KIAA1217: variants seen among roughly 807,000 people sequenced by gnomAD.
The protein encoded by KIAA1217 is KIAA1217.
A neutral mutation model predicts 163.9 loss-of-function variants in KIAA1217; 88 were observed. That is an observed-to-expected ratio of 0.54 (90% CI 0.45 to 0.64). The LOEUF (loss-of-function observed/expected upper bound fraction) is 0.64. Among genes scored for constraint, KIAA1217 ranks in the 30% least tolerant of loss-of-function variants. The pLI, the probability that KIAA1217 is intolerant of heterozygous loss-of-function variation, is 0.00. For synonymous variants in KIAA1217, 903 were observed against 923.1 expected (o/e 0.98, Z 0.39); for missense variants, 2,372 against 2,475.0 (o/e 0.96, Z 0.88).
At chr10:24,220,446 C>CTTCTTTT (rs2069430658) in intron 2 of KIAA1217, among the ~76,000 whole-genome samples, 11 of 103,090 alleles carry the variant, frequency 1.1e-4, no homozygotes, top group South Asian at 6.1e-4. Flanking sequence ...TTCTGCTCTT[C>CTTCTTTT]TTTTTTTTTT....
chr10:24,456,339 G>A (rs1438458546), intron 5 of KIAA1217, among the ~76,000 whole-genome samples: 1 of 152,160 alleles, frequency 6.6e-6, no homozygotes, highest in Admixed American at 6.5e-5. Flanking sequence ...ATTCAAGTGA[G>A]TATTTTCCGT....
intron 2 of KIAA1217, among the ~76,000 whole-genome samples, chr10:24,286,904 C>T (rs1428358575): frequency 6.6e-6 from 1 of 152,160 alleles, no homozygotes; most frequent in Admixed American, 6.6e-5. Flanking sequence ...CTGGTCAGCG[C>T]ATTTATTTCA....
At chr10:23,936,281 A>T (rs1223446260) in intron 1 of KIAA1217, among the ~76,000 whole-genome samples, 1 of 152,014 alleles carries the variant, frequency 6.6e-6, no homozygotes, top group African/African-American at 2.4e-5. Context: ...GGACTGAGAG[A>T]ATGGTAGGGA....
intron 2 of KIAA1217, among the ~76,000 whole-genome samples, chr10:24,294,063 G>T (rs1024841229): frequency 4.0e-5 from 6 of 151,868 alleles, no homozygotes; most frequent in Non-Finnish European, 5.9e-5. Flanking sequence ...GTGGTGGCAG[G>T]CGCCTGTAGT....
intron 2 of KIAA1217, among the ~76,000 whole-genome samples, chr10:24,094,667 G>C (rs1007801435): frequency 6.6e-6 from 1 of 152,226 alleles, no homozygotes; most frequent in African/African-American, 2.4e-5. Context: ...CAGTTAGGCT[G>C]CTCGGGGGTC....
chr10:24,445,508 A>ATC (rs1419162574), intron 5 of KIAA1217, among the ~76,000 whole-genome samples: 6 of 148,426 alleles, frequency 4.0e-5, no homozygotes, highest in African/African-American at 1.2e-4. Flanking sequence ...CATTAGGTAT[A>ATC]TCCTAATGCT....
At chr10:24,410,625 G>T (rs763420548) in intron 3 of KIAA1217, among the ~76,000 whole-genome samples, 2 of 152,154 alleles carry the variant, frequency 1.3e-5, no homozygotes, top group Admixed American at 6.5e-5. Flanking sequence ...CTTTTCTAAG[G>T]CTCTATCTCT....
chr10:24,028,969 A>C (rs1848080012), intron 2 of KIAA1217, among the ~76,000 whole-genome samples: 1 of 152,186 alleles, frequency 6.6e-6, no homozygotes, highest in Admixed American at 6.5e-5. Context: ...TCAATGGGTT[A>C]GAATTAGGGG....
At chr10:24,474,915 G>T (rs934271160) in intron 6 of KIAA1217, among the ~76,000 whole-genome samples, 19 of 152,130 alleles carry the variant, frequency 1.2e-4, no homozygotes, top group Admixed American at 1.1e-3. Context: ...TGAATCAAGG[G>T]GTATGAAAAA....
At chr10:24,078,547 T>G (rs1047463620) in intron 2 of KIAA1217, among the ~76,000 whole-genome samples, 1 of 152,230 alleles carries the variant, frequency 6.6e-6, no homozygotes, top group East Asian at 1.9e-4. Context: ...GGGCAAATAC[T>G]TGGGCCCTAA....
intron 2 of KIAA1217, among the ~76,000 whole-genome samples, chr10:24,203,010 T>A (rs1401435931): frequency 6.6e-6 from 1 of 151,984 alleles, no homozygotes; most frequent in Non-Finnish European, 1.5e-5. Flanking sequence ...AGCAACATAG[T>A]GAGACCTAAT....
At chr10:23,963,524 A>G (rs533373452) in intron 1 of KIAA1217, among the ~76,000 whole-genome samples, 20 of 152,336 alleles carry the variant, frequency 1.3e-4, no homozygotes, top group Middle Eastern at 6.8e-3. Flanking sequence ...ATTAATGGAC[A>G]TGTGGGTTGG....
At chr10:23,844,212 G>T (rs539573066) in intron 1 of KIAA1217, among the ~76,000 whole-genome samples, 1 of 152,214 alleles carries the variant, frequency 6.6e-6, no homozygotes, top group Non-Finnish European at 1.5e-5. Context: ...TTGCCACTTT[G>T]TTTTTCCTAC....
At chr10:23,895,961 G>T (rs1008498189) in intron 1 of KIAA1217, among the ~76,000 whole-genome samples, 2 of 137,506 alleles carry the variant, frequency 1.5e-5, no homozygotes, top group Non-Finnish European at 3.0e-5. Flanking sequence ...ATGGACACAG[G>T]AAGGGGAGCA....
chr10:23,859,708 G>T (rs572351089), intron 1 of KIAA1217, among the ~76,000 whole-genome samples: 17 of 152,166 alleles, frequency 1.1e-4, no homozygotes, highest in Admixed American at 2.6e-4. Flanking sequence ...AAATCAATGT[G>T]TACTTTAGAA....
At chr10:24,007,754 G>A (rs1300475001) in intron 2 of KIAA1217, among the ~76,000 whole-genome samples, 4 of 152,152 alleles carry the variant, frequency 2.6e-5, no homozygotes, top group African/African-American at 4.8e-5. Flanking sequence ...TAGAGGGAAC[G>A]GTGTAGATAC....
At chr10:24,376,550 C>T (rs1463867739) in intron 2 of KIAA1217, among the ~76,000 whole-genome samples, 1 of 152,136 alleles carries the variant, frequency 6.6e-6, no homozygotes, top group African/African-American at 2.4e-5. Flanking sequence ...ATCGCTTAAG[C>T]TTAGGAGTTT....
At chr10:23,852,861 AT>A (rs1419148061) in intron 1 of KIAA1217, among the ~76,000 whole-genome samples, 1 of 152,110 alleles carries the variant, frequency 6.6e-6, no homozygotes, top group Non-Finnish European at 1.5e-5. Flanking sequence ...TTGTACATTG[AT>A]TTTGTATCCT....
rs1332888406 is a variant in KIAA1217 at position 24,463,978 on chromosome 10, G to A, written c.847-9250G>A. 3.3e-5 allele frequency among the ~76,000 whole-genome samples: 5 copies of A among 152,322 alleles called. No individual in the cohort carries two copies. The East Asian group carries it at 9.7e-4, about 29-fold the overall frequency. ...TGTAATCAAACCAAAGCGTGGGGGT[G>A]TTAGTGGTTGCACACACTCATACTG... On this transcript the variant is annotated intron_variant, in intron 5 of 20. Coordinates refer to ENST00000376454, the MANE Select transcript of KIAA1217 (RefSeq NM_019590.5).
Sources: allele counts gnomAD v4.1 joint callset (sites outside exome capture counted in the v4.1 genomes callset), GRCh38; gene constraint gnomAD v4.1.1; transcripts MANE v1.5; gene names NCBI Gene and HGNC (gene_info 2026-07-23, HGNC 2026-07-21).